The following SF3A1 variants were observed in gnomAD, a reference collection of about 807,000 sequenced individuals.
The protein encoded by SF3A1 is splicing factor 3a subunit 1.
Under a neutral mutation model 89.9 loss-of-function variants are expected in SF3A1, and 13 were observed. That is an observed-to-expected ratio of 0.14 (90% CI 0.09 to 0.23). The LOEUF is 0.23. SF3A1 is among the 10% of genes least tolerant of loss of function. The probability of loss-of-function intolerance (pLI) is 1.00; values close to 1 mark genes in which losing one functional copy is unlikely to be tolerated. For synonymous variants in SF3A1, 405 were observed against 374.4 expected, an observed-to-expected ratio of 1.08 and a Z score of -0.94; for missense variants, 604 against 1,022.1, an observed-to-expected ratio of 0.59 and a Z score of 5.58.
intron 3 of SF3A1, 25 bp from the exon 4 acceptor site, chr22:30,345,215 C>A (rs769496936): frequency 1.9e-6 from 3 of 1,601,886 alleles, no homozygotes; most frequent in Admixed American, 1.7e-5. Context: ...GAGTATGAGG[C>A]GAGAGGCACA....
At chr22:30,345,624 T>C (rs138526180) in intron 3 of SF3A1, among the ~76,000 whole-genome samples, 38 of 152,310 alleles carry the variant, frequency 2.5e-4, no homozygotes, top group African/African-American at 8.9e-4. Context: ...CTGTGAATCC[T>C]CTTTACAGAT....
At chr22:30,352,837 A>G in intron 2 of SF3A1, 114 bp downstream of exon 2, 1 of 1,340,868 alleles carries the variant, frequency 7.5e-7, no homozygotes. Context: ...GTGGTTTTTT[A>G]TGAACTAAAA....
At chr22:30,356,501 G>A (rs992586245) in intron 1 of SF3A1, 1 of 398,324 alleles carries the variant, frequency 2.5e-6, no homozygotes, top group South Asian at 1.1e-4. Flanking sequence ...ACATTTCTAA[G>A]AAGCTCCCGG....
chr22:30,342,694 C>T, intron 5 of SF3A1, 111 bp downstream of exon 5: 2 of 773,754 alleles, frequency 2.6e-6, no homozygotes, highest in Non-Finnish European at 4.4e-6. Context: ...GCCTTTTCTC[C>T]CACCATTCCC....
At position 30,353,090 on chromosome 22, in the gene SF3A1, G is replaced by T. The variant is rs780690053; in HGVS notation, c.64-18C>A. The T allele has an allele frequency of 6.2e-6, 10 of 1,613,168 alleles. No homozygotes were observed. The East Asian group carries it at 8.9e-5, about 14-fold the overall frequency. ...TCTGTGGGCTGTGCAAACAGGAAAA[G>T]AAATAAGGTTTTAAAGTCCCTGGTT... is the stretch of plus-strand genomic sequence containing the variant. On this transcript the variant is annotated intron_variant, in intron 1 of 15. Transcript: ENST00000215793.
chr22:30,350,551 C>T (rs927017317), intron 2 of SF3A1, among the ~76,000 whole-genome samples: 1 of 152,138 alleles, frequency 6.6e-6, no homozygotes, highest in African/African-American at 2.4e-5. Flanking sequence ...CAAGGAAAGC[C>T]TTTCACCTCT....
Position 30,342,864 on chromosome 22 carries a change from T to C in SF3A1, c.667A>G (p.Lys223Glu), listed in dbSNP as rs1328454775. 1 of 1,612,010 alleles carries C rather than the reference T, an allele frequency of 6.2e-7. No homozygotes were observed. The highest frequency in any genetic ancestry group is 8.5e-7 in the Non-Finnish European group (1 of 1,178,598). Residue 223 changes from lysine (K) to glutamate (E), a missense_variant, in exon 5 of 16, where the codon AAA becomes GAA. By Grantham distance (56) the Lys-to-Glu change is moderately conservative (BLOSUM62 1). Transcript: ENST00000215793. ...EQYTKILIPP[K>E]GLFSKLKKEA... ...TTCTTGAGCTTTGAAAATAAACCTTTGGGTGGAATCAAGATCTGAAATACA... is the reference window on the plus strand; with the variant it reads ...TTCTTGAGCTTTGAAAATAAACCTTCGGGTGGAATCAAGATCTGAAATACA...
At position 30,341,731 on chromosome 22, in the gene SF3A1, G is replaced by C; in HGVS notation, c.1032C>G (p.Ser344=). 6.2e-7 allele frequency: 1 copy of C among 1,614,028 alleles called. No individual in the cohort carries two copies. Among genetic ancestry groups the C allele is most frequent in the Non-Finnish European group, 8.5e-7 (1 of 1,179,992 alleles). ...GTACTTGGGTGTCCTGGTCCAGCTG[G>C]GAAGGAGGCTCCTCCGCCTTCTCCT... ...DKQEKAEEPP[S]QLDQDTQVQD... The change falls in exon 7 of 16, where the codon TCC becomes TCG. Residue 344 remains serine (S), a synonymous_variant. Transcript: ENST00000215793.
intron 11 of SF3A1, 72 bp from the exon 12 acceptor site, chr22:30,337,969 T>G: frequency 1.9e-6 from 2 of 1,075,680 alleles, no homozygotes; most frequent in Non-Finnish European, 2.8e-6. Context: ...AGTTGGCAAC[T>G]GGCTGCCTGC....
In SF3A1 at chr22:30,338,968, G is replaced by A; in HGVS notation, c.1564C>T (p.Leu522Phe). ...TQQAAQANIT[L>F]QEQIEAIHKA... ...TGAATGGCCTCAATCTGCTCCTGGAGGGTGATGTTGGCCTGGGCAGCCTGC... is the reference window on the plus strand; with the variant it reads ...TGAATGGCCTCAATCTGCTCCTGGAAGGTGATGTTGGCCTGGGCAGCCTGC... The change falls in exon 11 of 16, where the codon CTC (leucine) becomes TTC (phenylalanine). Residue 522 changes from leucine to phenylalanine, a missense_variant. Leu to Phe is a conservative substitution (Grantham distance 22, BLOSUM62 0). Coordinates refer to ENST00000215793, the MANE Select transcript of SF3A1 (RefSeq NM_005877.6). 6.2e-7 allele frequency: 1 copy of A among 1,614,188 alleles called. No individual in the cohort carries two copies. Among genetic ancestry groups the A allele is most frequent in the Non-Finnish European group, 8.5e-7 (1 of 1,180,032 alleles).
At chr22:30,337,600 T>C in intron 12 of SF3A1, 90 bp downstream of exon 12, 1 of 745,408 alleles carries the variant, frequency 1.3e-6, no homozygotes, top group Non-Finnish European at 2.4e-6. Context: ...CTGGAACAGC[T>C]GGCACTAGCA....
chr22:30,341,998 A>G, intron 6 of SF3A1, 113 bp from the exon 7 acceptor site: 28 of 1,208,100 alleles, frequency 2.3e-5, no homozygotes, highest in Non-Finnish European at 3.1e-5. Context: ...CTATCTCCAG[A>G]GGCCCATCTA....
chr22:30,351,713 G>C (rs1931600660), intron 2 of SF3A1, among the ~76,000 whole-genome samples: 1 of 152,144 alleles, frequency 6.6e-6, no homozygotes, highest in African/African-American at 2.4e-5. Context: ...GCCCAGGCTA[G>C]TCTCAAATTC....
intron 2 of SF3A1, among the ~76,000 whole-genome samples, chr22:30,351,482 A>G (rs1235363449): frequency 6.6e-6 from 1 of 152,170 alleles, no homozygotes; most frequent in Non-Finnish European, 1.5e-5. Flanking sequence ...GGAACTGTCC[A>G]GAAATCCAGA....
Position 30,334,568 on chromosome 22 carries a change from G to C in SF3A1, c.*26C>G, listed in dbSNP as rs1569168931. ...GGGAGACAGGAGAGGCAAAATGGCA[G>C]GGACTTGACAGCAGGTTCCTCTTGT... On this transcript the variant is annotated 3_prime_UTR_variant, in exon 16 of 16. Coordinates refer to ENST00000215793, the MANE Select transcript of SF3A1 (RefSeq NM_005877.6). 1 of 1,479,474 alleles carries C rather than the reference G, an allele frequency of 6.8e-7. No individual in the cohort carries two copies. 91.6% of individuals were successfully genotyped at this position (1,479,474 alleles called of 1,614,324 possible). A position where few individuals can be genotyped will look rare whatever the true frequency, so the allele number is the denominator to read the frequency against.
intron 1 of SF3A1, 39 bp downstream of exon 1, chr22:30,356,691 A>G: frequency 2.8e-6 from 4 of 1,429,518 alleles, no homozygotes; most frequent in Non-Finnish European, 3.7e-6. Flanking sequence ...CGCCCAGGCC[A>G]ACCCTCCGGC....
chr22:30,355,560 T>C (rs548120018), intron 1 of SF3A1, among the ~76,000 whole-genome samples: 2 of 152,250 alleles, frequency 1.3e-5, no homozygotes, highest in African/African-American at 4.8e-5. Flanking sequence ...CTTAAAACAC[T>C]CCCTTTTCTT....
intron 5 of SF3A1, 153 bp from the exon 6 acceptor site, chr22:30,342,503 C>A: frequency 1.2e-6 from 1 of 839,152 alleles, no homozygotes; most frequent in Non-Finnish European, 1.8e-6. Flanking sequence ...TGGTTCCACC[C>A]AGGTGCAGAG....
Position 30,342,369 on chromosome 22 carries a change from G to C in SF3A1, c.727-19C>G. The C allele has an allele frequency of 6.3e-7, 1 of 1,585,642 alleles. No individual in the cohort carries two copies. Among genetic ancestry groups the C allele is most frequent in the Non-Finnish European group, 8.6e-7 (1 of 1,165,750 alleles). On this transcript the variant is annotated intron_variant, in intron 5 of 15. Coordinates refer to ENST00000215793, the MANE Select transcript of SF3A1 (RefSeq NM_005877.6). Reference sequence around the variant, plus strand: ...AACACACCTGCAGAGATGGGAAACAGCTTGGTGCTACGCTGAAGCAGGGTC... The same window carrying C: ...AACACACCTGCAGAGATGGGAAACACCTTGGTGCTACGCTGAAGCAGGGTC...
Sources: gnomAD v4.1 joint callset for allele counts (sites outside exome capture counted in the v4.1 genomes callset) on GRCh38, gnomAD v4.1.1 for gene constraint, MANE v1.5 for transcripts, NCBI Gene and HGNC (gene_info 2026-07-23, HGNC 2026-07-21) for gene names.